The following SVEP1 variants were observed in gnomAD, a reference collection of about 807,000 sequenced individuals.
The protein encoded by SVEP1 is sushi, von Willebrand factor type A, EGF and pentraxin domain containing 1, also known as sushi, von Willebrand factor type A, EGF and pentraxin domain-containing protein 1.
SVEP1 carries 164 observed loss-of-function variants against 367.3 expected under a neutral mutation model. The ratio of observed to expected loss-of-function variants is 0.45; its 90% confidence interval spans 0.39 to 0.51. The LOEUF is 0.51. Ranked by LOEUF, SVEP1 falls within the 20% of genes least tolerant of loss-of-function variation. SVEP1 has a pLI of 0.00. For synonymous variants in SVEP1, 1,666 were observed against 1,611.6 expected (o/e 1.03, Z -0.81); for missense variants, 4,117 against 4,425.3 (o/e 0.93, Z 1.98).
chr9:110,545,042 T>C (rs192375219), intron 3 of SVEP1, among the ~76,000 whole-genome samples: 82 of 152,330 alleles, frequency 5.4e-4, no homozygotes, highest in African/African-American at 1.9e-3. Flanking sequence ...TGTGCCTGAC[T>C]TGTTTCACTT....
chr9:110,517,513 A>T (rs1311334892), intron 3 of SVEP1, among the ~76,000 whole-genome samples: 1 of 150,804 alleles, frequency 6.6e-6, no homozygotes, highest in African/African-American at 2.4e-5. Flanking sequence ...CAGGAGAATC[A>T]CTTGAACTCG....
intron 9 of SVEP1, among the ~76,000 whole-genome samples, chr9:110,485,629 AT>A (rs1386529111): frequency 1.3e-5 from 2 of 152,180 alleles, no homozygotes; most frequent in Non-Finnish European, 2.9e-5. Context: ...AGTAACTTTA[AT>A]TTAATTATAC....
chr9:110,458,370 TAA>T (rs1828808696), intron 20 of SVEP1, 99 bp downstream of exon 20: 2 of 979,088 alleles, frequency 2.0e-6, no homozygotes, highest in South Asian at 1.6e-5. Flanking sequence ...CTTGATTACT[TAA>T]AGTTTCAATC....
At chr9:110,410,923 T>A (rs1264752191) in intron 37 of SVEP1, 140 bp downstream of exon 37, 3 of 623,722 alleles carry the variant, frequency 4.8e-6, no homozygotes, top group Non-Finnish European at 7.9e-6. Context: ...TCATGATTCT[T>A]TGTTAGTGAT....
chr9:110,495,487 A>G (rs1564159026), intron 8 of SVEP1, among the ~76,000 whole-genome samples: 1 of 152,194 alleles, frequency 6.6e-6, no homozygotes, highest in Non-Finnish European at 1.5e-5. Flanking sequence ...CAAACCACCT[A>G]AAGTGCATTC....
chr9:110,382,118 T>G (rs2118955293), intron 43 of SVEP1, among the ~76,000 whole-genome samples: 1 of 152,322 alleles, frequency 6.6e-6, no homozygotes, highest in Admixed American at 6.5e-5. Context: ...GAGCCTGTCA[T>G]CATGATTCTA....
At chr9:110,392,953 T>C (rs1327536) in intron 40 of SVEP1, among the ~76,000 whole-genome samples, 99,758 of 151,980 alleles carry the variant, frequency 0.66, 32,805 homozygotes, top group Middle Eastern at 0.78. Flanking sequence ...ACATTTCTTG[T>C]CCGAGACCTG....
rs367821965 is a variant in SVEP1, at chr9:110,427,633, T to A, written c.5933A>T (p.Asn1978Ile). ...AIKDAVITGNNFTFRNTVTYT... is the reference protein window; with the variant it reads ...AIKDAVITGNIFTFRNTVTYT... Reference sequence around the variant, plus strand: ...AGTGACGGTGTTCCTGAAAGTGAAGTTATTCCCCGTAATGACAGCATCTTT... The same window carrying A: ...AGTGACGGTGTTCCTGAAAGTGAAGATATTCCCCGTAATGACAGCATCTTT... Residue 1978 changes from asparagine to isoleucine, a missense_variant, in exon 36 of 48, where the codon AAC (asparagine) becomes ATC (isoleucine). Physicochemically the swap from Asn to Ile is moderately radical, Grantham distance 149. Coordinates refer to ENST00000374469, the MANE Select transcript of SVEP1 (RefSeq NM_153366.4). 9 of 1,613,776 alleles carry A rather than the reference T, an allele frequency of 5.6e-6. No homozygotes were observed. Among genetic ancestry groups the A allele is most frequent in the African/African-American group, 4.0e-5 (3 of 74,910 alleles).
chr9:110,386,112 C>G, intron 42 of SVEP1, 38 bp from the exon 43 acceptor site: 1 of 1,582,172 alleles, frequency 6.3e-7, no homozygotes, highest in Admixed American at 1.8e-5. Flanking sequence ...TGATATTTCC[C>G]CTCTTTTCCT....
chr9:110,372,849 C>T (rs1053583167), intron 46 of SVEP1, among the ~76,000 whole-genome samples: 1 of 152,126 alleles, frequency 6.6e-6, no homozygotes, highest in Admixed American at 6.5e-5. Context: ...TATGCAGCAC[C>T]TTGGAAGTCA....
chr9:110,522,938 C>T (rs1184341993), intron 3 of SVEP1, among the ~76,000 whole-genome samples: 1 of 152,116 alleles, frequency 6.6e-6, no homozygotes, highest in African/African-American at 2.4e-5. Flanking sequence ...ACATAGGTTG[C>T]CTTTTCTACT....
At chr9:110,369,059 G>A (rs2118933631) in intron 47 of SVEP1, among the ~76,000 whole-genome samples, 1 of 152,224 alleles carries the variant, frequency 6.6e-6, no homozygotes. Flanking sequence ...GTCCTATATG[G>A]TAGGGGTAAG....
chr9:110,389,896 A>G lies in SVEP1; in HGVS notation c.9823-309T>C, dbSNP rs372286636. Among the ~76,000 whole-genome samples, 20 of 131,564 alleles carry G rather than the reference A, an allele frequency of 1.5e-4. 1 individual carries two copies. The East Asian group carries it at 5.5e-3, about 36-fold the overall frequency. The allele number at this position is 131,564 out of a possible 152,430, so 86.3% of individuals were successfully genotyped here. ...ACAAAGAATGCATTAGAAGTAGTCA[A>G]ATAGTAGTATTCTTAGAAATATATG... On this transcript the variant is annotated intron_variant, in intron 40 of 47. Coordinates refer to ENST00000374469, the MANE Select transcript of SVEP1 (RefSeq NM_153366.4).
chr9:110,373,873 G>A (rs1255141427), intron 46 of SVEP1, among the ~76,000 whole-genome samples: 2 of 152,142 alleles, frequency 1.3e-5, no homozygotes, highest in Non-Finnish European at 2.9e-5. Flanking sequence ...TTTGAGGTCT[G>A]CAAGAGGTGC....
chr9:110,476,415 G>C (rs1829097413), intron 13 of SVEP1, 100 bp from the exon 14 acceptor site: 1 of 836,548 alleles, frequency 1.2e-6, no homozygotes, highest in Admixed American at 2.1e-5. Flanking sequence ...ATCAGCAGGA[G>C]GGAAGGGAGG....
At chr9:110,504,696 C>T (rs1238360295) in intron 5 of SVEP1, among the ~76,000 whole-genome samples, 5 of 151,842 alleles carry the variant, frequency 3.3e-5, no homozygotes, top group Admixed American at 2.6e-4. Context: ...CTAATTCCTT[C>T]TGCCCAGCAT....
At chr9:110,489,906 A>C in intron 8 of SVEP1, 127 bp from the exon 9 acceptor site, 1 of 1,156,566 alleles carries the variant, frequency 8.6e-7, no homozygotes. Context: ...AAAAAGGCAC[A>C]GCTTTCTGGC....
chr9:110,568,936 C>CA (rs1445035264), intron 1 of SVEP1, among the ~76,000 whole-genome samples: 3 of 151,526 alleles, frequency 2.0e-5, no homozygotes, highest in East Asian at 3.9e-4. Context: ...CCTGTCACTA[C>CA]AAAAAATACA....
At chr9:110,466,122 A>G in intron 17 of SVEP1, 96 bp from the exon 18 acceptor site, 1 of 1,290,000 alleles carries the variant, frequency 7.8e-7, no homozygotes, top group Non-Finnish European at 1.0e-6. Flanking sequence ...TTAGTTTAGG[A>G]CAGAAGGACA....
Sources: gnomAD v4.1 joint callset for allele counts (sites outside exome capture counted in the v4.1 genomes callset) on GRCh38, gnomAD v4.1.1 for gene constraint, MANE v1.5 for transcripts, NCBI Gene and HGNC (gene_info 2026-07-23, HGNC 2026-07-21) for gene names.